BCL2L1: variants seen among roughly 807,000 people sequenced by gnomAD.
BCL2L1 encodes BCL2 like 1, also known as bcl-2-like protein 1.
Under a neutral mutation model 18.7 loss-of-function variants are expected in BCL2L1, and 1 was observed. That is an observed-to-expected ratio of 0.05 (90% CI 0.02 to 0.25). The LOEUF is 0.25. BCL2L1 is among the 10% of genes least tolerant of loss of function. BCL2L1 has a pLI of 1.00. For missense variants in BCL2L1, 207 were observed against 304.9 expected, an observed-to-expected ratio of 0.68 and a Z score of 2.39; for synonymous variants, 103 against 122.7, an observed-to-expected ratio of 0.84 and a Z score of 1.06.
intron 2 of BCL2L1, among the ~76,000 whole-genome samples, chr20:31,712,233 G>A (rs375547670): frequency 3.9e-5 from 6 of 152,166 alleles, no homozygotes; most frequent in South Asian, 2.1e-4. Flanking sequence ...CGCACTGGAC[G>A]AGGGAACACA....
At chr20:31,723,791 C>CCAGACG, upstream of BCL2L1, 3 of 985,464 alleles carry the variant, frequency 3.0e-6, no homozygotes, top group Non-Finnish European at 3.6e-6. Context: ...CCGGTAGCTT[C>CCAGACG]CAGACGCAAG....
At chr20:31,699,083 G>A (rs1259591027) in intron 2 of BCL2L1, among the ~76,000 whole-genome samples, 1 of 152,220 alleles carries the variant, frequency 6.6e-6, no homozygotes, top group Admixed American at 6.5e-5. Flanking sequence ...GTGGACAAGA[G>A]GGAGTCGGGG....
chr20:31,707,421 G>A (rs914294199), intron 2 of BCL2L1, among the ~76,000 whole-genome samples: 3 of 152,084 alleles, frequency 2.0e-5, no homozygotes, highest in Non-Finnish European at 1.5e-5. Context: ...CTATATGCTG[G>A]GCTCCTTGGT....
At chr20:31,719,636 GAGATGGA>G (rs1230537251) in intron 2 of BCL2L1, among the ~76,000 whole-genome samples, 1 of 152,184 alleles carries the variant, frequency 6.6e-6, no homozygotes, top group Non-Finnish European at 1.5e-5. Context: ...CTTAAGCAAA[GAGATGGA>G]AGATGGAATT....
rs2061541050 is a variant in BCL2L1, at chr20:31,716,578, G to A, written c.564+5077C>T. ...CATTATTGTTATTCTGGCTTGACAAGGGTCTGTTTCTTCAGAAATTTAGTG... is the reference window on the plus strand; with the variant it reads ...CATTATTGTTATTCTGGCTTGACAAAGGTCTGTTTCTTCAGAAATTTAGTG... On this transcript the variant is annotated intron_variant, in intron 2 of 2. Coordinates refer to ENST00000307677, the MANE Select transcript of BCL2L1 (RefSeq NM_138578.3). 3.3e-5 allele frequency: 5 copies of A among 152,154 alleles called. No individual in the cohort carries two copies. The South Asian group carries it at 8.3e-4, about 25-fold the overall frequency. 9.4% of individuals were successfully genotyped at this position (152,154 alleles called of 1,614,324 possible). A position where few individuals can be genotyped will look rare whatever the true frequency, so the allele number is the denominator to read the frequency against.
intron 2 of BCL2L1, among the ~76,000 whole-genome samples, chr20:31,687,492 G>A (rs1053177606): frequency 4.6e-5 from 7 of 151,594 alleles, no homozygotes; most frequent in Admixed American, 3.9e-4. Context: ...TGGCAAACAC[G>A]GTGAAACCCC....
intron 2 of BCL2L1, among the ~76,000 whole-genome samples, chr20:31,704,852 G>C (rs1262959614): frequency 6.6e-6 from 1 of 152,150 alleles, no homozygotes; most frequent in African/African-American, 2.4e-5. Context: ...TCGATAAAGA[G>C]TTACTGATTG....
At chr20:31,712,856 T>C (rs958078076) in intron 2 of BCL2L1, among the ~76,000 whole-genome samples, 5 of 151,928 alleles carry the variant, frequency 3.3e-5, no homozygotes, top group African/African-American at 1.2e-4. Flanking sequence ...GTTGAGTGCG[T>C]TCCAATCCCC....
intron 2 of BCL2L1, among the ~76,000 whole-genome samples, chr20:31,704,749 C>A (rs527728446): frequency 2.0e-5 from 3 of 152,300 alleles, no homozygotes; most frequent in Admixed American, 1.3e-4. Flanking sequence ...ATGCACCCCC[C>A]CAACGCACAC....
Position 31,683,684 on chromosome 20 carries a change from G to A in BCL2L1, c.565-17598C>T, listed in dbSNP as rs192070626. On this transcript the variant is annotated intron_variant, in intron 2 of 2. Transcript: ENST00000307677. ...CTCAAGAGGCTGAGGCAAAAGAATCGCTTGAACCCGGGAGTCAGAGGTTGC... is the reference window on the plus strand; with the variant it reads ...CTCAAGAGGCTGAGGCAAAAGAATCACTTGAACCCGGGAGTCAGAGGTTGC... 7.6e-3 allele frequency among the ~76,000 whole-genome samples: 1,056 copies of A among 139,326 alleles called. 2 individuals carry two copies. Among genetic ancestry groups the A allele is most frequent in the Non-Finnish European group, 0.011 (702 of 65,700 alleles). 91.4% of individuals were successfully genotyped at this position (139,326 alleles called of 152,430 possible). A position where few individuals can be genotyped will look rare whatever the true frequency, so the allele number is the denominator to read the frequency against.
chr20:31,699,362 G>T (rs1337928396), intron 2 of BCL2L1, among the ~76,000 whole-genome samples: 2 of 152,194 alleles, frequency 1.3e-5, no homozygotes, highest in Non-Finnish European at 2.9e-5. Flanking sequence ...TCAGCTAGAT[G>T]ATGTCACCTT....
At chr20:31,681,684 C>A (rs1004645803) in intron 2 of BCL2L1, among the ~76,000 whole-genome samples, 6 of 152,172 alleles carry the variant, frequency 3.9e-5, no homozygotes, top group African/African-American at 1.4e-4. Context: ...AAAGGATTTG[C>A]TGATGAATTA....
intron 2 of BCL2L1, among the ~76,000 whole-genome samples, chr20:31,678,495 A>G (rs2060799547): frequency 6.6e-6 from 1 of 152,216 alleles, no homozygotes; most frequent in African/African-American, 2.4e-5. Flanking sequence ...CAGACAGATG[A>G]GTGACTACCA....
At chr20:31,709,600 G>A (rs1380527037) in intron 2 of BCL2L1, among the ~76,000 whole-genome samples, 3 of 152,040 alleles carry the variant, frequency 2.0e-5, no homozygotes, top group Non-Finnish European at 2.9e-5. Flanking sequence ...TTGGGAGGCT[G>A]AGGCGGGTGG....
chr20:31,671,858 CAT>C (rs1173977135), intron 2 of BCL2L1, among the ~76,000 whole-genome samples: 8 of 147,322 alleles, frequency 5.4e-5, no homozygotes, highest in Admixed American at 1.4e-4. Context: ...CTATATATAC[CAT>C]ATATATACAC....
chr20:31,688,574 T>C (rs2122597440), intron 2 of BCL2L1, among the ~76,000 whole-genome samples: 1 of 152,276 alleles, frequency 6.6e-6, no homozygotes, highest in Non-Finnish European at 1.5e-5. Flanking sequence ...TCCTGTAAAC[T>C]GGTACCCACT....
intron 2 of BCL2L1, among the ~76,000 whole-genome samples, chr20:31,675,456 G>A (rs1265523511): frequency 2.0e-5 from 3 of 152,200 alleles, no homozygotes; most frequent in East Asian, 1.9e-4. Context: ...TAGGGCAAAC[G>A]GAGAGGCCTT....
chr20:31,686,567 A>G (rs568256398), intron 2 of BCL2L1, among the ~76,000 whole-genome samples: 2 of 152,118 alleles, frequency 1.3e-5, no homozygotes, highest in African/African-American at 4.8e-5. Context: ...AATATCTTAG[A>G]GATGTTACAG....
intron 2 of BCL2L1, among the ~76,000 whole-genome samples, chr20:31,673,146 A>C (rs1348940755): frequency 1.1e-4 from 15 of 140,238 alleles, no homozygotes; most frequent in African/African-American, 4.0e-4. Context: ...ATCTTGGCTC[A>C]CTGCAACCTC....
Sources: allele counts gnomAD v4.1 joint callset (sites outside exome capture counted in the v4.1 genomes callset), GRCh38; gene constraint gnomAD v4.1.1; transcripts MANE v1.5; gene names NCBI Gene and HGNC (gene_info 2026-07-23, HGNC 2026-07-21).